Variants in PLEKHM3 observed in about 807,000 individuals in gnomAD.
PLEKHM3 encodes pleckstrin homology domain-containing family M member 3.
Under a neutral mutation model 81.8 loss-of-function variants are expected in PLEKHM3, and 45 were observed. The ratio of observed to expected loss-of-function variants is 0.55; its 90% CI spans 0.43 to 0.71. The LOEUF is 0.71. Among genes scored for constraint, PLEKHM3 ranks in the 30% least tolerant of loss-of-function variants. The pLI, the probability that PLEKHM3 is intolerant of heterozygous loss-of-function variation, is 0.00. For missense variants in PLEKHM3, 788 were observed against 924.3 expected, an observed-to-expected ratio of 0.85 and a Z score of 1.91; for synonymous variants, 352 against 356.4, an observed-to-expected ratio of 0.99 and a Z score of 0.14.
intron 4 of PLEKHM3, among the ~76,000 whole-genome samples, chr2:207,944,997 G>GTT (rs1246224578): frequency 6.6e-6 from 1 of 151,996 alleles, no homozygotes; most frequent in East Asian, 1.9e-4. Context: ...CTTGTTTCTT[G>GTT]TTTCTCTCTC....
At chr2:207,891,828 C>T (rs1160618859) in intron 6 of PLEKHM3, among the ~76,000 whole-genome samples, 3 of 152,112 alleles carry the variant, frequency 2.0e-5, no homozygotes, top group African/African-American at 7.2e-5. Context: ...GGATTGGGGT[C>T]CAGGATGGAT....
chr2:207,961,019 C>T (rs116105685), intron 3 of PLEKHM3, among the ~76,000 whole-genome samples: 1,677 of 152,256 alleles, frequency 0.011, 29 homozygotes, highest in African/African-American at 0.038. Flanking sequence ...ACAGTTTAAT[C>T]TTCCCTCAAA....
chr2:207,859,612 T>C (rs2092456330), intron 7 of PLEKHM3, among the ~76,000 whole-genome samples: 1 of 151,940 alleles, frequency 6.6e-6, no homozygotes, highest in Non-Finnish European at 1.5e-5. Context: ...TTGTTTTTTT[T>C]TTTTAGACAG....
chr2:207,873,273 G>T (rs1406266755), intron 6 of PLEKHM3, among the ~76,000 whole-genome samples: 1 of 152,134 alleles, frequency 6.6e-6, no homozygotes, highest in African/African-American at 2.4e-5. Flanking sequence ...ATCTGAAATG[G>T]GAGTTGGAAA....
At chr2:207,873,781 G>C (rs1011497022) in intron 6 of PLEKHM3, among the ~76,000 whole-genome samples, 1 of 152,092 alleles carries the variant, frequency 6.6e-6, no homozygotes. Context: ...TAGCACTTTC[G>C]GGATGTAAAG....
At chr2:207,923,655 G>A (rs1210067746) in intron 5 of PLEKHM3, among the ~76,000 whole-genome samples, 1 of 150,918 alleles carries the variant, frequency 6.6e-6, no homozygotes, top group Non-Finnish European at 1.5e-5. Context: ...GAAATAAGGT[G>A]ATGAGAGTAG....
chr2:207,907,055 A>G (rs1045442679), intron 6 of PLEKHM3, among the ~76,000 whole-genome samples: 1 of 152,204 alleles, frequency 6.6e-6, no homozygotes, highest in African/African-American at 2.4e-5. Context: ...TTATTTAATG[A>G]ACTCTTGAAA....
At chr2:208,010,985 C>A (rs1022566159) in intron 1 of PLEKHM3, among the ~76,000 whole-genome samples, 1 of 148,430 alleles carries the variant, frequency 6.7e-6, no homozygotes, top group African/African-American at 2.5e-5. Flanking sequence ...AAAAAATGCT[C>A]AACATCACTA....
intron 7 of PLEKHM3, among the ~76,000 whole-genome samples, chr2:207,850,373 T>C (rs531947758): frequency 3.3e-5 from 5 of 152,314 alleles, no homozygotes; most frequent in Admixed American, 6.5e-5. Flanking sequence ...GGCATAAAGG[T>C]CACAAAGTCT....
intron 7 of PLEKHM3, among the ~76,000 whole-genome samples, chr2:207,854,421 T>C (rs990628742): frequency 1.3e-5 from 2 of 152,228 alleles, no homozygotes; most frequent in Non-Finnish European, 2.9e-5. Flanking sequence ...ACTTAATCCA[T>C]AAAGATTTCA....
intron 5 of PLEKHM3, among the ~76,000 whole-genome samples, chr2:207,919,566 A>C (rs539118598): frequency 1.4e-4 from 21 of 152,302 alleles, no homozygotes; most frequent in African/African-American, 5.1e-4. Context: ...TGAAGCTGAC[A>C]GGTTTGCCGA....
intron 4 of PLEKHM3, among the ~76,000 whole-genome samples, chr2:207,943,482 C>T (rs1189070410): frequency 6.6e-6 from 1 of 152,154 alleles, no homozygotes; most frequent in Non-Finnish European, 1.5e-5. Context: ...AGGATCATAA[C>T]AGAATCCTAA....
chr2:207,973,551 C>T (rs1691197573), intron 3 of PLEKHM3, among the ~76,000 whole-genome samples: 1 of 152,136 alleles, frequency 6.6e-6, no homozygotes, highest in African/African-American at 2.4e-5. Context: ...CCAGCCTGAC[C>T]AACATGGAGA....
intron 4 of PLEKHM3, among the ~76,000 whole-genome samples, chr2:207,945,556 C>T (rs891779655): frequency 6.6e-6 from 1 of 152,146 alleles, no homozygotes; most frequent in African/African-American, 2.4e-5. Flanking sequence ...TTCCAAAGGC[C>T]TGGATTTGCT....
intron 6 of PLEKHM3, among the ~76,000 whole-genome samples, chr2:207,870,506 G>A (rs893444631): frequency 1.6e-4 from 25 of 152,202 alleles, no homozygotes; most frequent in African/African-American, 6.0e-4. Flanking sequence ...GGAACAGGCT[G>A]GCTTGACGAA....
At chr2:207,849,162 C>T (rs544499016) in intron 7 of PLEKHM3, among the ~76,000 whole-genome samples, 186 of 152,184 alleles carry the variant, frequency 1.2e-3, no homozygotes, top group African/African-American at 4.2e-3. Flanking sequence ...GGCGAAACCC[C>T]ATCTGTACTA....
intron 4 of PLEKHM3, among the ~76,000 whole-genome samples, chr2:207,940,955 A>G (rs889789630): frequency 3.9e-5 from 6 of 152,240 alleles, no homozygotes; most frequent in Admixed American, 6.5e-5. Context: ...ATTCATATTC[A>G]TATTTCATAA....
At chr2:207,926,736 C>T (rs1378496053) in intron 5 of PLEKHM3, among the ~76,000 whole-genome samples, 2 of 152,136 alleles carry the variant, frequency 1.3e-5, no homozygotes, top group Admixed American at 6.5e-5. Context: ...ATCACCCCTG[C>T]CAGTCAAGAT....
chr2:207,916,078 G>A (rs973657006), intron 5 of PLEKHM3, among the ~76,000 whole-genome samples: 11 of 152,166 alleles, frequency 7.2e-5, no homozygotes, highest in African/African-American at 2.7e-4. Flanking sequence ...CACATATTTC[G>A]ATAGCAGCCC....
Sources: gnomAD v4.1 joint callset for allele counts (sites outside exome capture counted in the v4.1 genomes callset) on GRCh38, gnomAD v4.1.1 for gene constraint, MANE v1.5 for transcripts, NCBI Gene and HGNC (gene_info 2026-07-23, HGNC 2026-07-21) for gene names.